The following TRIM5 variants were observed in gnomAD, a reference collection of about 807,000 sequenced individuals.
TRIM5 encodes the protein tripartite motif containing 5.
Under a neutral mutation model 35.6 loss-of-function variants are expected in TRIM5, and 31 were observed. That is an observed-to-expected ratio of 0.87 (90% CI 0.65 to 1.18). TRIM5 has a LOEUF of 1.18. Ranked by LOEUF, TRIM5 falls within the 50% of genes most tolerant of loss-of-function variation. TRIM5 has a pLI of 0.00. For synonymous variants in TRIM5, 243 were observed against 215.6 expected, an observed-to-expected ratio of 1.13 and a Z score of -1.11; for missense variants, 609 against 591.6, an observed-to-expected ratio of 1.03 and a Z score of -0.31.
chr11:5,628,374 T>C, the TRIM5 span, among the ~76,000 whole-genome samples: 1 of 152,242 alleles, frequency 6.6e-6, no homozygotes, highest in South Asian at 2.1e-4. Flanking sequence ...TCATATCATA[T>C]AAACTCCTTG....
chr11:5,661,075 A>C (rs1055442287), downstream of TRIM5, among the ~76,000 whole-genome samples: 44 of 134,802 alleles, frequency 3.3e-4, 2 homozygotes, highest in Admixed American at 8.5e-4. Flanking sequence ...AAAAAAAAAA[A>C]AAAAAAAAAA....
At chr11:5,620,160 C>CTTCTTTT in the TRIM5 span, 1 of 106,930 alleles carries the variant, frequency 9.4e-6, no homozygotes, top group Non-Finnish European at 1.9e-5. Flanking sequence ...TTTTCCTTTT[C>CTTCTTTT]TTTCTTCTTT....
the TRIM5 span, among the ~76,000 whole-genome samples, chr11:5,648,401 T>C: frequency 6.6e-6 from 1 of 152,060 alleles, no homozygotes; most frequent in South Asian, 2.1e-4. Context: ...AGCTACTCAG[T>C]TGGCTGAGGC....
the TRIM5 span, among the ~76,000 whole-genome samples, chr11:5,656,719 A>G: frequency 3.3e-5 from 5 of 152,216 alleles, no homozygotes; most frequent in African/African-American, 9.6e-5. Context: ...AAAACCCATC[A>G]TCACTGGTTA....
At chr11:5,606,019 C>T in the TRIM5 span, among the ~76,000 whole-genome samples, 1 of 152,170 alleles carries the variant, frequency 6.6e-6, no homozygotes, top group Non-Finnish European at 1.5e-5. Flanking sequence ...GACATTGCCA[C>T]GATAGCCCCA....
chr11:5,610,584 T>C, the TRIM5 span: 15 of 1,609,136 alleles, frequency 9.3e-6, no homozygotes, highest in African/African-American at 2.0e-4. Context: ...CATGGCCTCT[T>C]TGGGCTGGCA....
the TRIM5 span, among the ~76,000 whole-genome samples, chr11:5,592,677 G>A: frequency 6.6e-6 from 1 of 152,146 alleles, no homozygotes; most frequent in South Asian, 2.1e-4. Flanking sequence ...AGCACTTTGG[G>A]AGACTGAAGT....
At chr11:5,605,087 C>A in the TRIM5 span, 1 of 546,430 alleles carries the variant, frequency 1.8e-6, no homozygotes, top group Non-Finnish European at 3.3e-6. Flanking sequence ...ATCTAAACGT[C>A]ACCCAGGAAT....
At chr11:5,653,401 C>A in the TRIM5 span, among the ~76,000 whole-genome samples, 1 of 151,896 alleles carries the variant, frequency 6.6e-6, no homozygotes, top group African/African-American at 2.4e-5. Flanking sequence ...TCAATTATTT[C>A]ATTAAATAGA....
chr11:5,611,269 C>T, the TRIM5 span: 1 of 1,614,020 alleles, frequency 6.2e-7, no homozygotes, highest in African/African-American at 1.3e-5. Flanking sequence ...TATTACTTTC[C>T]CACTACTCTT....
the TRIM5 span, chr11:5,619,638 A>C: frequency 6.8e-6 from 1 of 147,612 alleles, no homozygotes; most frequent in African/African-American, 2.5e-5. Flanking sequence ...TGTCAGAACT[A>C]CTATTTAAGT....
chr11:5,616,152 C>T, the TRIM5 span, among the ~76,000 whole-genome samples: 3 of 148,652 alleles, frequency 2.0e-5, no homozygotes, highest in Admixed American at 6.7e-5. Context: ...GGGGTTTCAC[C>T]GTGTTGGCCA....
At chr11:5,643,862 G>A in the TRIM5 span, 1 of 985,664 alleles carries the variant, frequency 1.0e-6, no homozygotes, top group Non-Finnish European at 1.5e-6. Flanking sequence ...CTTGAGTTAT[G>A]AGAGATGCTT....
chr11:5,652,425 C>A, the TRIM5 span, among the ~76,000 whole-genome samples: 1 of 152,140 alleles, frequency 6.6e-6, no homozygotes, highest in Admixed American at 6.5e-5. Flanking sequence ...ATAAGGGGTC[C>A]TTTTTCCATT....
the TRIM5 span, among the ~76,000 whole-genome samples, chr11:5,630,807 A>G: frequency 6.6e-6 from 1 of 152,174 alleles, no homozygotes; most frequent in African/African-American, 2.4e-5. Flanking sequence ...ATTAGCTTCT[A>G]TCTTCTTAGG....
chr11:5,682,688 T>C (rs1045757110), intron 1 of TRIM5, among the ~76,000 whole-genome samples: 7 of 152,106 alleles, frequency 4.6e-5, no homozygotes, highest in Middle Eastern at 3.2e-3. Context: ...AACATATCAC[T>C]AGAGTGTTAA....
downstream of TRIM5, among the ~76,000 whole-genome samples, chr11:5,658,463 T>C (rs886399053): frequency 6.6e-6 from 1 of 152,180 alleles, no homozygotes; most frequent in Admixed American, 6.5e-5. Context: ...GAACCTGGGA[T>C]ACAGAAAGCC....
At chr11:5,663,102 G>A (rs2134006732), downstream of TRIM5, 1 of 478,310 alleles carries the variant, frequency 2.1e-6, no homozygotes, top group Non-Finnish European at 2.7e-6. Flanking sequence ...TCCAGCTTGG[G>A]TGACAGAGAC....
At chr11:5,680,983 A>C (rs7114084) in intron 1 of TRIM5, among the ~76,000 whole-genome samples, 78,099 of 151,602 alleles carry the variant, frequency 0.52, 20,228 homozygotes, top group Non-Finnish European at 0.53. Context: ...ATTAATACCC[A>C]GAGCAATTGG....
Sources: allele counts gnomAD v4.1 joint callset (sites outside exome capture counted in the v4.1 genomes callset), GRCh38; gene constraint gnomAD v4.1.1; transcripts MANE v1.5; gene names NCBI Gene and HGNC (gene_info 2026-07-23, HGNC 2026-07-21).